GPC3: variants seen among roughly 807,000 people sequenced by gnomAD.
GPC3 encodes glypican 3, also known as glypican-3.
A neutral mutation model predicts 34.4 loss-of-function variants in GPC3; 3 were observed. The ratio of observed to expected loss-of-function variants is 0.09; its 90% CI spans 0.04 to 0.23. The LOEUF (loss-of-function observed/expected upper bound fraction) is 0.23. Among genes scored for constraint, GPC3 ranks in the 10% least tolerant of loss-of-function variants. The pLI is 1.00. For missense variants in GPC3, 351 were observed against 445.6 expected, an observed-to-expected ratio of 0.79 and a Z score of 1.91; for synonymous variants, 177 against 174.0, an observed-to-expected ratio of 1.02 and a Z score of -0.13.
At chrX:133,701,883 C>T (rs1358578199) in intron 3 of GPC3, among the ~76,000 whole-genome samples, 1 of 111,912 alleles carries the variant, frequency 8.9e-6, no homozygotes, top group Non-Finnish European at 1.9e-5. Context: ...AGAGTAGCAT[C>T]ACCTTCATTT....
chrX:133,677,964 C>A (rs768358308), intron 5 of GPC3, among the ~76,000 whole-genome samples: 6 of 111,054 alleles, frequency 5.4e-5, no homozygotes, highest in African/African-American at 2.0e-4. Flanking sequence ...AGGATTTCCA[C>A]CAAGAATAGG....
chrX:133,851,256 G>A (rs974399316), intron 2 of GPC3, among the ~76,000 whole-genome samples: 1 of 111,920 alleles, frequency 8.9e-6, no homozygotes, highest in Non-Finnish European at 1.9e-5. Context: ...CACTCAAAAT[G>A]GATACTTCTC....
intron 5 of GPC3, among the ~76,000 whole-genome samples, chrX:133,662,443 A>T (rs763864626): frequency 8.9e-6 from 1 of 112,069 alleles, no homozygotes; most frequent in East Asian, 2.8e-4. Flanking sequence ...CACCAGCCCA[A>T]GGGAAGATTT....
rs1314867120 is a variant in GPC3 at position 133,985,574 on chromosome X, A to C, written c.-125T>G. 1.4e-6 allele frequency: 1 copy of C among 701,060 alleles called. No homozygotes were observed. The highest frequency in any genetic ancestry group is 2.1e-6 in the Non-Finnish European group (1 of 475,404). 57.8% of individuals were successfully genotyped at this position (701,060 alleles called of 1,213,427 possible). On this transcript the variant is annotated 5_prime_UTR_variant, in exon 1 of 8. Coordinates refer to ENST00000370818, the MANE Select transcript of GPC3 (RefSeq NM_004484.4). The stretch of plus-strand genomic sequence containing the variant: ...GACGTGCTGCTACCCAGCCGCTGCA[A>C]AAGTTTCCTCGCAGCTACCTGGGCG...
intron 7 of GPC3, among the ~76,000 whole-genome samples, chrX:133,570,186 C>G (rs1289479243): frequency 9.1e-6 from 1 of 109,665 alleles, no homozygotes; most frequent in African/African-American, 3.3e-5. Context: ...CCACCGCGCC[C>G]GGCCTGTTTG....
chrX:133,593,330 C>CAAAAAAAAAAAAAAAAAAA (rs756083308), intron 7 of GPC3, among the ~76,000 whole-genome samples: 8 of 9,849 alleles, frequency 8.1e-4, no homozygotes, highest in African/African-American at 2.1e-3. Context: ...GAGACTGTCT[C>CAAAAAAAAAAAAAAAAAAA]AAAAAAAAAA....
At chrX:133,848,599 C>A (rs1451690445) in intron 2 of GPC3, among the ~76,000 whole-genome samples, 1 of 111,865 alleles carries the variant, frequency 8.9e-6, no homozygotes, top group Non-Finnish European at 1.9e-5. Flanking sequence ...TTTCTAGTGA[C>A]ACTGATTAAT....
intron 2 of GPC3, among the ~76,000 whole-genome samples, chrX:133,792,151 C>T (rs1034843929): frequency 9.0e-6 from 1 of 110,647 alleles, no homozygotes; most frequent in African/African-American, 3.3e-5. Context: ...AGTGCTGTTA[C>T]TTTTTCTTCA....
chrX:133,687,093 T>C (rs1280248149), intron 5 of GPC3, among the ~76,000 whole-genome samples: 10 of 47,938 alleles, frequency 2.1e-4, no homozygotes, highest in Non-Finnish European at 2.9e-5. Context: ...GGCCGGCTAA[T>C]TTTTTTTTTT....
intron 5 of GPC3, among the ~76,000 whole-genome samples, chrX:133,686,524 T>A (rs2071004575): frequency 1.8e-5 from 2 of 111,857 alleles, no homozygotes; most frequent in African/African-American, 6.5e-5. Context: ...AGTGAATGAT[T>A]CCATTTATAT....
At chrX:133,950,647 C>A (rs1288095242) in intron 2 of GPC3, among the ~76,000 whole-genome samples, 1 of 111,723 alleles carries the variant, frequency 9.0e-6, no homozygotes, top group Non-Finnish European at 1.9e-5. Flanking sequence ...ATTGTGTCTC[C>A]TAATTTCAAT....
At chrX:133,966,674 A>T (rs749351446) in intron 1 of GPC3, among the ~76,000 whole-genome samples, 2 of 111,962 alleles carry the variant, frequency 1.8e-5, no homozygotes, top group South Asian at 3.8e-4. Context: ...AGAAAATCAA[A>T]CACTCACTCT....
At position 133,536,210 on chromosome X, in the gene GPC3, G is replaced by T; in HGVS notation, c.1657C>A (p.His553Asn). ...GGGGAATGAACGTTCCCGAGGTTGT[G>T]AAAGGTGCTTATCTCGTTGTCCTTC... is the stretch of plus-strand genomic sequence containing the variant. ...TPKDNEISTF[H>N]NLGNVHSPLK... The change falls in exon 8 of 8, where the codon CAC becomes AAC. Residue 553 changes from histidine to asparagine, a missense_variant. Coordinates refer to ENST00000370818, the MANE Select transcript of GPC3 (RefSeq NM_004484.4). The T allele has an allele frequency of 8.3e-7, 1 of 1,202,801 alleles. No homozygotes were observed. The highest frequency in any genetic ancestry group is 1.7e-5 in the African/African-American group (1 of 57,251).
intron 2 of GPC3, among the ~76,000 whole-genome samples, chrX:133,824,557 T>A (rs2075736852): frequency 8.9e-6 from 1 of 111,738 alleles, no homozygotes; most frequent in South Asian, 3.8e-4. Context: ...CAGTAAGATA[T>A]GGTATATTAC....
intron 7 of GPC3, among the ~76,000 whole-genome samples, chrX:133,593,528 A>G (rs1324580462): frequency 9.2e-6 from 1 of 108,741 alleles, no homozygotes; most frequent in Non-Finnish European, 1.9e-5. Context: ...GCTAGACCAG[A>G]AGACCCTCAG....
At chrX:133,862,911 C>A (rs752147844) in intron 2 of GPC3, among the ~76,000 whole-genome samples, 3 of 112,431 alleles carry the variant, frequency 2.7e-5, no homozygotes, top group African/African-American at 6.5e-5. Context: ...CCAAACATCA[C>A]GTAGGGTAGT....
intron 1 of GPC3, among the ~76,000 whole-genome samples, chrX:133,967,299 A>G (rs2076468086): frequency 8.9e-6 from 1 of 112,295 alleles, no homozygotes; most frequent in Non-Finnish European, 1.9e-5. Flanking sequence ...ACACAAATAA[A>G]TTATCCAAAC....
intron 6 of GPC3, among the ~76,000 whole-genome samples, chrX:133,621,606 G>A (rs996295904): frequency 1.8e-5 from 2 of 112,064 alleles, no homozygotes; most frequent in African/African-American, 6.5e-5. Flanking sequence ...GCTGGGGGAG[G>A]GGCGTCTGCC....
intron 5 of GPC3, among the ~76,000 whole-genome samples, chrX:133,669,126 C>T (rs2124408713): frequency 9.0e-6 from 1 of 111,519 alleles, no homozygotes; most frequent in African/African-American, 3.3e-5. Flanking sequence ...TTTGGGAGGC[C>T]AGGGTGGGCA....
Sources: allele counts gnomAD v4.1 joint callset (sites outside exome capture counted in the v4.1 genomes callset), GRCh38; gene constraint gnomAD v4.1.1; transcripts MANE v1.5; gene names NCBI Gene and HGNC (gene_info 2026-07-23, HGNC 2026-07-21).